MIA2: variants seen among roughly 807,000 people sequenced by gnomAD.
The protein encoded by MIA2 is melanoma inhibitory activity protein 2.
A neutral mutation model predicts 167.8 loss-of-function variants in MIA2; 127 were observed. That is an observed-to-expected ratio of 0.76 (90% CI 0.66 to 0.88). MIA2 has a LOEUF of 0.88. Ranked by LOEUF, MIA2 falls within the 40% of genes least tolerant of loss-of-function variation. The probability of loss-of-function intolerance (pLI) is 0.00; values close to 1 mark genes in which losing one functional copy is unlikely to be tolerated. For missense variants in MIA2, 1,690 were observed against 1,624.7 expected (o/e 1.04, Z -0.69); for synonymous variants, 552 against 541.9 (o/e 1.02, Z -0.26).
At position 39,379,215 on chromosome 14, in the gene MIA2, T is replaced by C. The variant is rs118026913; in HGVS notation, c.2249-7670T>C. 3.2e-4 allele frequency among the ~76,000 whole-genome samples: 48 copies of C among 152,264 alleles called. No individual in the cohort carries two copies. The East Asian group carries it at 8.1e-3, about 26-fold the overall frequency. Reference sequence around the variant, plus strand: ...TTAATCTGACATGGGGCCCAGATGCTGGTCTTGCATTAGTGTACCTTTGGT... The same window carrying C: ...TTAATCTGACATGGGGCCCAGATGCCGGTCTTGCATTAGTGTACCTTTGGT... On this transcript the variant is annotated intron_variant, in intron 23 of 23. Coordinates refer to the MIA2 transcript ENST00000341502.
At chr14:39,329,712 A>G (rs1222405625) in intron 25 of MIA2, among the ~76,000 whole-genome samples, 1 of 149,296 alleles carries the variant, frequency 6.7e-6, no homozygotes, top group Non-Finnish European at 1.5e-5. Flanking sequence ...CCTTTTCTGC[A>G]TCTATTGAGA....
intron 25 of MIA2, among the ~76,000 whole-genome samples, chr14:39,344,701 T>C (rs1351932148): frequency 6.6e-6 from 1 of 152,210 alleles, no homozygotes; most frequent in Non-Finnish European, 1.5e-5. Flanking sequence ...GTTGTTTACG[T>C]ATATCTGTAA....
chr14:39,236,859 T>C, intron 1 of MIA2, 63 bp from the exon 2 acceptor site: 1 of 1,453,648 alleles, frequency 6.9e-7, no homozygotes, highest in African/African-American at 1.4e-5. Context: ...GACAGCAAGA[T>C]GAAAGGAGGA....
chr14:39,281,778 C>T (rs929505464), intron 9 of MIA2, among the ~76,000 whole-genome samples: 2 of 151,902 alleles, frequency 1.3e-5, no homozygotes, highest in South Asian at 2.1e-4. Context: ...CACGCTGCCA[C>T]GCCTGGCTAA....
Position 39,288,475 on chromosome 14 carries a change from A to ATTT in MIA2, c.2131-2529_2131-2527dup, listed in dbSNP as rs1247369150. ...TATATATATATATATATATATATATATTTTTTTTTTTTTTTTTGAGACGGA... is the reference window on the plus strand; with the variant it reads ...TATATATATATATATATATATATATATTTTTTTTTTTTTTTTTTTTGAGACGGA... On this transcript the variant is annotated intron_variant, in intron 9 of 28. Coordinates refer to ENST00000640607, the MANE Select transcript of MIA2 (RefSeq NM_001329214.4). Among the ~76,000 whole-genome samples, 23 of 50,516 alleles carry ATTT rather than the reference A, an allele frequency of 4.6e-4. 2 individuals carry two copies. The highest frequency in any genetic ancestry group is 1.5e-3 in the African/African-American group (14 of 9,342). The allele number at this position is 50,516 out of a possible 152,430, so 33.1% of individuals were successfully genotyped here.
intron 23 of MIA2, among the ~76,000 whole-genome samples, chr14:39,369,402 C>T (rs536525691): frequency 2.0e-5 from 3 of 152,328 alleles, no homozygotes; most frequent in East Asian, 3.9e-4. Flanking sequence ...GTAGTACCTA[C>T]AATTAGGTAT....
intron 23 of MIA2, among the ~76,000 whole-genome samples, chr14:39,378,134 T>A (rs1043406215): frequency 6.6e-6 from 1 of 152,208 alleles, no homozygotes; most frequent in African/African-American, 2.4e-5. Flanking sequence ...CAAGATCAGG[T>A]TGAGTGAAAG....
Position 39,308,474 on chromosome 14 carries a change from A to G in MIA2, c.2904A>G (p.Glu968=), listed in dbSNP as rs760692720. 1.3e-6 allele frequency: 2 copies of G among 1,552,922 alleles called. No individual in the cohort carries two copies. Among genetic ancestry groups the G allele is most frequent in the Non-Finnish European group, 1.7e-6 (2 of 1,145,358 alleles). ...AGCATATTAAAAATCTTCAGACTGA[A>G]CAAGCATCTTTGCAGTCAGAAAACA... ...LTEHIKNLQT[E]QASLQSENTH... is the part of the protein sequence containing the mutation. The change falls in exon 18 of 29, where the codon GAA becomes GAG. Residue 968 remains glutamate, a synonymous_variant. Transcript: ENST00000640607.
At chr14:39,309,905 T>C (rs1459351630) in intron 18 of MIA2, among the ~76,000 whole-genome samples, 1 of 151,682 alleles carries the variant, frequency 6.6e-6, no homozygotes, top group Non-Finnish European at 1.5e-5. Flanking sequence ...CCTTGAGATA[T>C]CTGAAGACTC....
intron 13 of MIA2, among the ~76,000 whole-genome samples, chr14:39,297,660 G>A (rs1381134952): frequency 1.5e-5 from 1 of 68,952 alleles, no homozygotes; most frequent in Non-Finnish European, 2.9e-5. Context: ...ACCCTGTAGG[G>A]TTTTGCGTGT....
At chr14:39,331,902 A>G (rs536165652) in intron 25 of MIA2, among the ~76,000 whole-genome samples, 8 of 151,890 alleles carry the variant, frequency 5.3e-5, no homozygotes, top group Admixed American at 1.3e-4. Context: ...CTTCATTTCA[A>G]TGTTGCTGAA....
rs760688894 is a variant in MIA2, at chr14:39,386,924, G to A, written c.2288G>A (p.Gly763Asp). 24 of 776,072 alleles carry A rather than the reference G, an allele frequency of 3.1e-5. No individual in the cohort carries two copies. In the East Asian group the frequency reaches 3.6e-4, roughly 12 times the overall value. 48.1% of individuals were successfully genotyped at this position (776,072 alleles called of 1,614,324 possible). ...CCCGGGGCAGGAGCCCCGGCTTCAG[G>A]TAGGGGCCTAGGAGGGCCCCAGAAA... is the stretch of plus-strand genomic sequence containing the variant. Residue 763 changes from glycine (G) to aspartate (D), a missense_variant, in exon 24 of 24, where the codon GGT becomes GAT. Gly to Asp is a moderately conservative substitution (Grantham distance 94, BLOSUM62 -1). Coordinates refer to the MIA2 transcript ENST00000341502.
intron 13 of MIA2, 118 bp downstream of exon 13, chr14:39,295,147 C>G: frequency 1.4e-6 from 1 of 717,410 alleles, no homozygotes. Flanking sequence ...AGCATGAGAG[C>G]AGGACAGTCT....
chr14:39,237,012 A>G lies in MIA2; in HGVS notation c.206A>G (p.Tyr69Cys). The G allele has an allele frequency of 1.9e-6, 3 of 1,614,138 alleles. No individual in the cohort carries two copies. Among genetic ancestry groups the G allele is most frequent in the Non-Finnish European group, 2.5e-6 (3 of 1,179,992 alleles). Residue 69 changes from tyrosine to cysteine, a missense_variant, in exon 2 of 29, where the codon TAT (tyrosine) becomes TGT (cysteine). Transcript: ENST00000640607. ...NFTKGEEISVYVKLAGEREDL... is the reference protein window; with the variant it reads ...NFTKGEEISVCVKLAGEREDL... Reference sequence around the variant, plus strand: ...ACTAAGGGAGAAGAGATATCTGTTTATGTTAAACTTGCAGGAGAAAGGGAA... The same window carrying G: ...ACTAAGGGAGAAGAGATATCTGTTTGTGTTAAACTTGCAGGAGAAAGGGAA...
chr14:39,245,998 C>T lies in MIA2; in HGVS notation c.337-913C>T, dbSNP rs546620781. 1.5e-3 allele frequency among the ~76,000 whole-genome samples: 229 copies of T among 152,152 alleles called. 1 individual carries two copies. Among genetic ancestry groups the T allele is most frequent in the Non-Finnish European group, 2.9e-3 (199 of 67,996 alleles). On this transcript the variant is annotated intron_variant, in intron 3 of 28. Transcript: ENST00000640607. ...GTACAAGATTTTGTGGATATGCATG[C>T]CTTTTCATCAGATTTTGTTTGCAGA...
At chr14:39,311,169 T>C (rs1048730668) in intron 18 of MIA2, among the ~76,000 whole-genome samples, 2 of 152,206 alleles carry the variant, frequency 1.3e-5, no homozygotes, top group African/African-American at 2.4e-5. Context: ...CAGGATTTCA[T>C]TCATTAGTTT....
chr14:39,323,225 C>A (rs777838752), intron 24 of MIA2, among the ~76,000 whole-genome samples: 1 of 152,046 alleles, frequency 6.6e-6, no homozygotes, highest in Admixed American at 6.6e-5. Context: ...TAGAACTGTT[C>A]CTGTCCACCT....
At position 39,295,042 on chromosome 14, in the gene MIA2, T is replaced by C. The variant is rs760890679; in HGVS notation, c.2496+13T>C. On this transcript the variant is annotated intron_variant, in intron 13 of 28. Transcript: ENST00000640607. ...AAGCCAGAAACAGGTTTGTGCTCCG[T>C]AGGGACTCTTCAACTTGTGAATATG... 6 of 1,529,182 alleles carry C rather than the reference T, an allele frequency of 3.9e-6. 1 individual carries two copies. Among genetic ancestry groups the C allele is most frequent in the South Asian group, 2.2e-5 (2 of 89,220 alleles). The allele number at this position is 1,529,182 out of a possible 1,614,324, so 94.7% of individuals were successfully genotyped here. A position where few individuals can be genotyped will look rare whatever the true frequency, so the allele number is the denominator to read the frequency against.
intron 25 of MIA2, among the ~76,000 whole-genome samples, chr14:39,327,549 A>G (rs905000884): frequency 4.6e-5 from 7 of 152,222 alleles, no homozygotes; most frequent in Non-Finnish European, 7.4e-5. Flanking sequence ...ATCTTGAAAT[A>G]AGATAATAAC....
Sources: allele counts gnomAD v4.1 joint callset (sites outside exome capture counted in the v4.1 genomes callset), GRCh38; gene constraint gnomAD v4.1.1; transcripts MANE v1.5; gene names NCBI Gene and HGNC (gene_info 2026-07-23, HGNC 2026-07-21).